The following CTNNA2 variants were observed in gnomAD, a reference collection of about 807,000 sequenced individuals.
CTNNA2 encodes catenin alpha-2.
CTNNA2 carries 42 observed loss-of-function variants against 101.0 expected under a neutral mutation model. The ratio of observed to expected loss-of-function variants is 0.42; its 90% confidence interval spans 0.32 to 0.54. The LOEUF is 0.54. CTNNA2 is among the 20% of genes least tolerant of loss of function. CTNNA2 has a pLI of 0.14. For missense variants in CTNNA2, 871 were observed against 1,223.1 expected (o/e 0.71, Z 4.29); for synonymous variants, 450 against 456.4 (o/e 0.99, Z 0.18).
chr2:79,359,583 C>G (rs1385287668), intron 3 of CTNNA2, among the ~76,000 whole-genome samples: 1 of 152,168 alleles, frequency 6.6e-6, no homozygotes, highest in Admixed American at 6.5e-5. Context: ...AGGAAAACCC[C>G]TTCATGGGAA....
chr2:80,013,973 T>C (rs1693960031), intron 7 of CTNNA2, among the ~76,000 whole-genome samples: 1 of 152,158 alleles, frequency 6.6e-6, no homozygotes, highest in African/African-American at 2.4e-5. Context: ...GGAAAAAATC[T>C]GAAGTTCAGT....
intron 14 of CTNNA2, among the ~76,000 whole-genome samples, chr2:80,588,234 C>G (rs574981757): frequency 6.6e-6 from 1 of 152,292 alleles, no homozygotes; most frequent in African/African-American, 2.4e-5. Context: ...CCCGCCTTCT[C>G]GTGCTCGGGG....
At chr2:80,084,762 T>C (rs954813706) in intron 7 of CTNNA2, among the ~76,000 whole-genome samples, 26 of 152,080 alleles carry the variant, frequency 1.7e-4, no homozygotes. Flanking sequence ...GAGGCACTTA[T>C]GTAAATAAGC....
intron 1 of CTNNA2, among the ~76,000 whole-genome samples, chr2:79,615,992 G>C (rs1028333075): frequency 6.6e-6 from 1 of 152,186 alleles, no homozygotes; most frequent in Non-Finnish European, 1.5e-5. Flanking sequence ...GGAGCACTGT[G>C]ACAGAGAGAA....
At chr2:79,341,799 T>C (rs1215840728) in intron 3 of CTNNA2, among the ~76,000 whole-genome samples, 5 of 152,258 alleles carry the variant, frequency 3.3e-5, no homozygotes, top group African/African-American at 1.2e-4. Context: ...TCTATTTATA[T>C]AGCCCAGTGG....
At chr2:80,007,939 CTA>C (rs1456196935) in intron 7 of CTNNA2, among the ~76,000 whole-genome samples, 1 of 152,158 alleles carries the variant, frequency 6.6e-6, no homozygotes, top group Non-Finnish European at 1.5e-5. Flanking sequence ...GTTTCGTACT[CTA>C]TGAGAGCCTC....
At chr2:79,540,909 G>A (rs929965047) in intron 1 of CTNNA2, among the ~76,000 whole-genome samples, 3 of 152,116 alleles carry the variant, frequency 2.0e-5, no homozygotes, top group Non-Finnish European at 2.9e-5. Flanking sequence ...AACATGGTAT[G>A]GAGAGTTGGA....
chr2:79,487,245 C>G (rs1671167198), intron 4 of CTNNA2, among the ~76,000 whole-genome samples: 1 of 20,080 alleles, frequency 5.0e-5, no homozygotes, highest in Non-Finnish European at 8.8e-5. Context: ...TGTAAATATT[C>G]TATACGTTGC....
intron 2 of CTNNA2, among the ~76,000 whole-genome samples, chr2:79,707,744 C>G (rs902573864): frequency 1.3e-5 from 2 of 152,184 alleles, no homozygotes; most frequent in Admixed American, 1.3e-4. Context: ...TCTTCCTCCC[C>G]ACCACACCCA....
intron 7 of CTNNA2, among the ~76,000 whole-genome samples, chr2:80,368,067 C>T (rs1255889272): frequency 6.6e-6 from 1 of 152,046 alleles, no homozygotes; most frequent in Non-Finnish European, 1.5e-5. Flanking sequence ...AAAGATATTC[C>T]TGTGGTAGAG....
intron 7 of CTNNA2, among the ~76,000 whole-genome samples, chr2:80,201,576 C>A (rs532268795): frequency 7.3e-5 from 11 of 151,722 alleles, no homozygotes; most frequent in Non-Finnish European, 1.6e-4. Flanking sequence ...GGGGTTTCAC[C>A]GTGTTAGCTA....
At chr2:79,413,553 C>A (rs1014268656) in intron 4 of CTNNA2, among the ~76,000 whole-genome samples, 1 of 151,942 alleles carries the variant, frequency 6.6e-6, no homozygotes, top group Non-Finnish European at 1.5e-5. Context: ...TTGACATATT[C>A]ATTTCATTTC....
At chr2:79,860,423 C>T (rs1681501403) in intron 4 of CTNNA2, among the ~76,000 whole-genome samples, 1 of 152,160 alleles carries the variant, frequency 6.6e-6, no homozygotes, top group African/African-American at 2.4e-5. Flanking sequence ...TACCAGTTGC[C>T]TCCTGCAGTC....
chr2:79,619,960 C>G (rs775860128), intron 1 of CTNNA2, among the ~76,000 whole-genome samples: 8 of 152,026 alleles, frequency 5.3e-5, no homozygotes, highest in Non-Finnish European at 7.4e-5. Flanking sequence ...GTTTAAATTA[C>G]AACAATCTAC....
intron 9 of CTNNA2, among the ~76,000 whole-genome samples, chr2:80,530,604 G>C (rs1690454516): frequency 6.6e-6 from 1 of 152,180 alleles, no homozygotes; most frequent in South Asian, 2.1e-4. Context: ...CAGGTGTCAG[G>C]AACCAGAGTA....
At chr2:79,767,222 G>A (rs973720342) in intron 3 of CTNNA2, among the ~76,000 whole-genome samples, 5 of 152,012 alleles carry the variant, frequency 3.3e-5, no homozygotes, top group South Asian at 2.1e-4. Flanking sequence ...TCCGTTAAAT[G>A]TATCTGATAG....
At chr2:80,379,140 G>A (rs1453194911) in intron 7 of CTNNA2, among the ~76,000 whole-genome samples, 1 of 152,136 alleles carries the variant, frequency 6.6e-6, no homozygotes, top group Non-Finnish European at 1.5e-5. Context: ...TCAGCATAGT[G>A]TAGACAGGTT....
chr2:80,560,288 C>A (rs1206935995), intron 12 of CTNNA2, among the ~76,000 whole-genome samples: 2 of 152,056 alleles, frequency 1.3e-5, no homozygotes, highest in Non-Finnish European at 2.9e-5. Flanking sequence ...CCAACAAATA[C>A]AAAGCATCCA....
intron 1 of CTNNA2, among the ~76,000 whole-genome samples, chr2:79,608,049 A>C (rs749918120): frequency 5.3e-5 from 8 of 152,054 alleles, no homozygotes; most frequent in Non-Finnish European, 1.0e-4. Flanking sequence ...AAAAGTAGAA[A>C]GATTCAAATT....
Sources: allele counts gnomAD v4.1 joint callset (sites outside exome capture counted in the v4.1 genomes callset), GRCh38; gene constraint gnomAD v4.1.1; transcripts MANE v1.5; gene names NCBI Gene and HGNC (gene_info 2026-07-23, HGNC 2026-07-21).